SGMS1: variants seen among roughly 807,000 people sequenced by gnomAD.
SGMS1 encodes phosphatidylcholine:ceramide cholinephosphotransferase 1.
A neutral mutation model predicts 46.2 loss-of-function variants in SGMS1; 13 were observed. That is an observed-to-expected ratio of 0.28 (90% CI 0.18 to 0.45). The LOEUF (loss-of-function observed/expected upper bound fraction) is 0.45, where lower values mean the gene tolerates loss of function less well. Ranked by LOEUF, SGMS1 falls within the 20% of genes least tolerant of loss-of-function variation. The pLI is 1.00. For missense variants in SGMS1, 324 were observed against 519.9 expected (o/e 0.62, Z 3.66); for synonymous variants, 203 against 187.8 (o/e 1.08, Z -0.66).
chr10:50,442,142 A>AAACC (rs1174851573), intron 5 of SGMS1, among the ~76,000 whole-genome samples: 1 of 152,094 alleles, frequency 6.6e-6, no homozygotes, highest in Non-Finnish European at 1.5e-5. Flanking sequence ...AAAACAAAAC[A>AAACC]AAAGGGCGTT....
At chr10:50,574,265 T>C (rs570777975) in intron 2 of SGMS1, among the ~76,000 whole-genome samples, 34 of 152,192 alleles carry the variant, frequency 2.2e-4, no homozygotes, top group African/African-American at 8.2e-4. Flanking sequence ...AAGATTAACA[T>C]CTATTACATA....
intron 5 of SGMS1, among the ~76,000 whole-genome samples, chr10:50,457,972 G>A (rs1837213451): frequency 6.6e-6 from 1 of 152,210 alleles, no homozygotes; most frequent in Non-Finnish European, 1.5e-5. Flanking sequence ...GCTAAGGTGA[G>A]TCGACCCTAA....
chr10:50,539,400 C>G (rs889686420), intron 2 of SGMS1, among the ~76,000 whole-genome samples: 1 of 152,204 alleles, frequency 6.6e-6, no homozygotes, highest in Non-Finnish European at 1.5e-5. Flanking sequence ...ATAGTGTTGG[C>G]ATTGATATGT....
intron 5 of SGMS1, among the ~76,000 whole-genome samples, chr10:50,451,479 A>G (rs1054774988): frequency 1.3e-5 from 2 of 152,224 alleles, no homozygotes; most frequent in Admixed American, 6.5e-5. Context: ...TTTCCTTAAT[A>G]CCATAATACA....
intron 3 of SGMS1, among the ~76,000 whole-genome samples, chr10:50,501,960 G>C (rs1490058693): frequency 6.6e-6 from 1 of 152,162 alleles, no homozygotes. Flanking sequence ...TGTTTGCTGG[G>C]GAAAGGGAGG....
At chr10:50,374,843 C>G (rs1848499189) in intron 6 of SGMS1, among the ~76,000 whole-genome samples, 1 of 152,192 alleles carries the variant, frequency 6.6e-6, no homozygotes, top group Non-Finnish European at 1.5e-5. Flanking sequence ...CAGATATCCT[C>G]ATAGCTCACT....
chr10:50,343,341 A>C (rs986266568), intron 7 of SGMS1, 151 bp downstream of exon 7: 1 of 792,586 alleles, frequency 1.3e-6, no homozygotes, highest in Non-Finnish European at 1.9e-6. Flanking sequence ...CCAGACAGTA[A>C]GTTAGTCCAA....
intron 6 of SGMS1, among the ~76,000 whole-genome samples, chr10:50,411,273 C>A (rs1054123794): frequency 6.6e-5 from 10 of 152,260 alleles, no homozygotes; most frequent in African/African-American, 2.4e-4. Context: ...AGCTAATAGA[C>A]CTATGGTGTG....
At chr10:50,373,449 T>C (rs1848473481) in intron 6 of SGMS1, among the ~76,000 whole-genome samples, 1 of 152,178 alleles carries the variant, frequency 6.6e-6, no homozygotes, top group Admixed American at 6.5e-5. Flanking sequence ...TGATGAAAAG[T>C]CAGTTTCATA....
intron 8 of SGMS1, among the ~76,000 whole-genome samples, chr10:50,311,925 T>G (rs991862199): frequency 6.6e-6 from 1 of 152,194 alleles, no homozygotes; most frequent in African/African-American, 2.4e-5. Flanking sequence ...GGGATCATGT[T>G]GAAACAAGGG....
chr10:50,362,682 G>A (rs1215449301), intron 6 of SGMS1, among the ~76,000 whole-genome samples: 2 of 152,138 alleles, frequency 1.3e-5, no homozygotes, highest in Admixed American at 6.5e-5. Flanking sequence ...CCACCATGAG[G>A]GAGATTTGCC....
intron 3 of SGMS1, among the ~76,000 whole-genome samples, chr10:50,501,276 C>G (rs1357423918): frequency 6.6e-6 from 1 of 152,104 alleles, no homozygotes; most frequent in Non-Finnish European, 1.5e-5. Context: ...TTCTGAGGAA[C>G]AGAGAAAGGA....
intron 3 of SGMS1, among the ~76,000 whole-genome samples, chr10:50,515,770 G>A (rs970130222): frequency 9.9e-5 from 15 of 152,204 alleles, no homozygotes; most frequent in South Asian, 6.2e-4. Flanking sequence ...TGAACTGACC[G>A]CCAAGAAAAA....
chr10:50,555,424 C>G (rs1838182219), intron 2 of SGMS1, among the ~76,000 whole-genome samples: 1 of 152,170 alleles, frequency 6.6e-6, no homozygotes, highest in Non-Finnish European at 1.5e-5. Context: ...CAGGGCAGGA[C>G]CTGGCTCACA....
chr10:50,524,939 C>A (rs928145657), intron 2 of SGMS1, among the ~76,000 whole-genome samples: 3 of 152,098 alleles, frequency 2.0e-5, no homozygotes, highest in Admixed American at 2.0e-4. Context: ...CTAACATCAA[C>A]GATATGCCCA....
chr10:50,404,820 A>C (rs1357287438), intron 6 of SGMS1, among the ~76,000 whole-genome samples: 1 of 152,206 alleles, frequency 6.6e-6, no homozygotes, highest in Non-Finnish European at 1.5e-5. Flanking sequence ...TAAAACATCC[A>C]GAAAAAAGGC....
intron 6 of SGMS1, among the ~76,000 whole-genome samples, chr10:50,353,184 C>T (rs1336648869): frequency 2.0e-5 from 3 of 152,276 alleles, no homozygotes; most frequent in African/African-American, 7.2e-5. Flanking sequence ...ATGCAAAAAT[C>T]CTCAATAAAA....
intron 3 of SGMS1, among the ~76,000 whole-genome samples, chr10:50,483,382 A>G (rs1008044086): frequency 6.6e-6 from 1 of 152,168 alleles, no homozygotes; most frequent in Non-Finnish European, 1.5e-5. Flanking sequence ...GCCTGGCCAG[A>G]TTCATAAAAC....
At chr10:50,624,659 G>C (rs1838901655), upstream of SGMS1, 1 of 985,462 alleles carries the variant, frequency 1.0e-6, no homozygotes, top group Non-Finnish European at 1.2e-6. Flanking sequence ...GGCTAGGCCG[G>C]GGTCGGAGCC....
Sources: allele counts gnomAD v4.1 joint callset (sites outside exome capture counted in the v4.1 genomes callset), GRCh38; gene constraint gnomAD v4.1.1; transcripts MANE v1.5; gene names NCBI Gene and HGNC (gene_info 2026-07-23, HGNC 2026-07-21).